The following ST13 variants were observed in gnomAD, a reference collection of about 807,000 sequenced individuals.
The protein encoded by ST13 is hsc70-interacting protein.
Under a neutral mutation model 56.7 loss-of-function variants are expected in ST13, and 23 were observed. The observed-to-expected ratio is 0.41, with a 90% CI of 0.29 to 0.57. ST13 has a LOEUF of 0.57. ST13 is among the 20% of genes least tolerant of loss of function. The pLI is 0.36. For synonymous variants in ST13, 132 were observed against 142.4 expected, an observed-to-expected ratio of 0.93 and a Z score of 0.52; for missense variants, 369 against 459.9, an observed-to-expected ratio of 0.80 and a Z score of 1.81.
rs182043383 is a variant in ST13 at position 40,843,801 on chromosome 22, G to A, written c.315+1038C>T. Among the ~76,000 whole-genome samples, 253 of 151,398 alleles carry A rather than the reference G, an allele frequency of 1.7e-3. 1 individual carries two copies. The highest frequency in any genetic ancestry group is 2.1e-3 in the South Asian group (10 of 4,812). On this transcript the variant is annotated intron_variant, in intron 4 of 11. Transcript: ENST00000216218. ...AAAGATCCAGCAAAAAGTGGAAAAA[G>A]TTTAAACAGGAGTTCGCAAATGCCA...
chr22:40,843,186 T>C (rs1165605348), intron 4 of ST13, among the ~76,000 whole-genome samples: 1 of 152,172 alleles, frequency 6.6e-6, no homozygotes, highest in Non-Finnish European at 1.5e-5. Flanking sequence ...TAAAAACACC[T>C]AAAAATTGGG....
chr22:40,852,226 T>G (rs1382281165), intron 1 of ST13, among the ~76,000 whole-genome samples: 3 of 152,284 alleles, frequency 2.0e-5, no homozygotes, highest in Non-Finnish European at 4.4e-5. Context: ...CCTTGGCCAA[T>G]GCTTAGCTAT....
At chr22:40,840,288 C>G (rs2057797024) in intron 5 of ST13, among the ~76,000 whole-genome samples, 1 of 151,474 alleles carries the variant, frequency 6.6e-6, no homozygotes, top group African/African-American at 2.4e-5. Flanking sequence ...CATCATCTGT[C>G]AAGGGTATTA....
chr22:40,845,728 T>C (rs1277316199), intron 3 of ST13, among the ~76,000 whole-genome samples: 1 of 148,544 alleles, frequency 6.7e-6, no homozygotes, highest in Non-Finnish European at 1.5e-5. Context: ...TTTATATATA[T>C]ATACACACAC....
intron 1 of ST13, among the ~76,000 whole-genome samples, chr22:40,851,131 T>C (rs990619817): frequency 6.6e-6 from 1 of 151,632 alleles, no homozygotes; most frequent in Non-Finnish European, 1.5e-5. Flanking sequence ...ACATAATGTA[T>C]AGCTTCTCTG....
At chr22:40,854,906 T>C (rs2057881297) in intron 1 of ST13, among the ~76,000 whole-genome samples, 1 of 152,196 alleles carries the variant, frequency 6.6e-6, no homozygotes, top group Non-Finnish European at 1.5e-5. Context: ...TTGAGGAGTT[T>C]GCAAAATAGA....
At chr22:40,833,177 G>A (rs1193008209) in intron 7 of ST13, among the ~76,000 whole-genome samples, 4 of 152,112 alleles carry the variant, frequency 2.6e-5, no homozygotes, top group Admixed American at 2.6e-4. Flanking sequence ...TTTTAACTCA[G>A]GTGTAACTCT....
At chr22:40,834,901 G>C (rs2057770310) in intron 7 of ST13, among the ~76,000 whole-genome samples, 1 of 152,202 alleles carries the variant, frequency 6.6e-6, no homozygotes, top group South Asian at 2.1e-4. Context: ...AGCTAATACA[G>C]TTGTCCTAAA....
intron 2 of ST13, 127 bp from the exon 3 acceptor site, chr22:40,848,496 C>A: frequency 1.4e-6 from 1 of 697,414 alleles, no homozygotes; most frequent in South Asian, 1.6e-5. Flanking sequence ...CCTGGAATTC[C>A]AGCACTTTGG....
In ST13 at chr22:40,848,336, C is replaced by G; in HGVS notation, c.202G>C (p.Asp68His). 6.2e-7 allele frequency: 1 copy of G among 1,613,264 alleles called. No individual in the cohort carries two copies. Among genetic ancestry groups the G allele is most frequent in the South Asian group, 1.1e-5 (1 of 91,050 alleles). ...CTTGATGGTTCGTCTGCCTTTAAGT[C>G]TTCCTCCACCTTCTTACTATCAGGT... ...EKPDSKKVEE[D>H]LKADEPSSEE... Residue 68 changes from aspartate to histidine, a missense_variant, in exon 3 of 12, where the codon GAC (aspartate) becomes CAC (histidine). Physicochemically the swap from Asp to His is moderately conservative, Grantham distance 81. This residue lies in a region of ST13 where 169 missense variants were observed against 175.6 expected (regional missense o/e 0.96). Transcript: ENST00000216218.
chr22:40,848,621 T>G (rs1450874896), intron 2 of ST13, among the ~76,000 whole-genome samples: 1 of 152,112 alleles, frequency 6.6e-6, no homozygotes, highest in African/African-American at 2.4e-5. Flanking sequence ...TGCCCGCTTG[T>G]AATCCCAGCC....
chr22:40,832,759 G>T, intron 7 of ST13, 88 bp from the exon 8 acceptor site: 2 of 1,018,610 alleles, frequency 2.0e-6, no homozygotes, highest in Non-Finnish European at 3.0e-6. Context: ...AAAAAGGATT[G>T]TTCTAAAACA....
At chr22:40,840,481 A>G (rs968796360) in intron 5 of ST13, 145 bp downstream of exon 5, 1 of 635,522 alleles carries the variant, frequency 1.6e-6, no homozygotes. Flanking sequence ...TCTTTTATCA[A>G]TGAGGAAGGG....
chr22:40,835,987 T>C lies in ST13; in HGVS notation c.383-100A>G, dbSNP rs546123947. The C allele has an allele frequency of 1.2e-3, 1,113 of 944,790 alleles. 1 individual carries two copies. The highest frequency in any genetic ancestry group is 1.6e-3 in the Non-Finnish European group (1,035 of 646,488). 58.5% of individuals were successfully genotyped at this position (944,790 alleles called of 1,614,324 possible). ...AGTTAAGTCTTTTACATTTTTCTTT[T>C]AATCAAGTAAAAATAAAAAAGACAA... On this transcript the variant is annotated intron_variant, in intron 5 of 11. Coordinates refer to ENST00000216218, the MANE Select transcript of ST13 (RefSeq NM_003932.5).
chr22:40,848,426 T>C, intron 2 of ST13, 57 bp from the exon 3 acceptor site: 3 of 1,155,130 alleles, frequency 2.6e-6, no homozygotes, highest in Non-Finnish European at 3.9e-6. Flanking sequence ...CGAATATTTA[T>C]ACTAATTTCT....
chr22:40,840,612 A>C lies in ST13; in HGVS notation c.382+14T>G, dbSNP rs780263153. The C allele has an allele frequency of 6.2e-6, 10 of 1,605,786 alleles. No individual in the cohort carries two copies. The highest frequency in any genetic ancestry group is 2.2e-4 in the Middle Eastern group (1 of 4,468). On this transcript the variant is annotated intron_variant, in intron 5 of 11. Coordinates refer to ENST00000216218, the MANE Select transcript of ST13 (RefSeq NM_003932.5). ...TTCTGACTACCATAGAAATGTAGCA[A>C]AAAGATTACTCACCATCATTTAGGG...
At chr22:40,843,755 T>C (rs1016877954) in intron 4 of ST13, among the ~76,000 whole-genome samples, 2 of 151,764 alleles carry the variant, frequency 1.3e-5, no homozygotes, top group East Asian at 1.9e-4. Flanking sequence ...AATATTGAAA[T>C]GAAATACAAA....
chr22:40,826,679 G>A lies in ST13; in HGVS notation c.982-13C>T, dbSNP rs2057729906. ...TAACTTCTGGATCCTGAAAAGAAAG[G>A]GTTCATTAGTATTTAAAAAGTGTCC... On this transcript the variant is annotated splice_polypyrimidine_tract_variant and intron_variant, in intron 11 of 11. Coordinates refer to ENST00000216218, the MANE Select transcript of ST13 (RefSeq NM_003932.5). 6.2e-7 allele frequency: 1 copy of A among 1,608,722 alleles called. No homozygotes were observed. The highest frequency in any genetic ancestry group is 1.3e-5 in the African/African-American group (1 of 74,928).
At chr22:40,843,930 T>C (rs899344517) in intron 4 of ST13, among the ~76,000 whole-genome samples, 5 of 151,582 alleles carry the variant, frequency 3.3e-5, no homozygotes, top group African/African-American at 7.3e-5. Context: ...TCGCTCAGGC[T>C]GGAGTGCAGG....
Sources: gnomAD v4.1 joint callset for allele counts (sites outside exome capture counted in the v4.1 genomes callset) on GRCh38, gnomAD v4.1.1 for gene constraint, gnomAD v4.1.1 regional missense constraint, MANE v1.5 for transcripts, NCBI Gene and HGNC (gene_info 2026-07-23, HGNC 2026-07-21) for gene names.